Variants in RIMS2 observed in about 807,000 individuals in gnomAD.
RIMS2 encodes the protein regulating synaptic membrane exocytosis protein 2.
A neutral mutation model predicts 174.4 loss-of-function variants in RIMS2; 59 were observed. That is an observed-to-expected ratio of 0.34 (90% CI 0.27 to 0.42). The LOEUF (loss-of-function observed/expected upper bound fraction) is 0.42, where lower values mean the gene tolerates loss of function less well. Among genes scored for constraint, RIMS2 ranks in the 10% least tolerant of loss-of-function variants. RIMS2 has a pLI of 1.00. For synonymous variants in RIMS2, 606 were observed against 572.5 expected, an observed-to-expected ratio of 1.06 and a Z score of -0.84; for missense variants, 1,620 against 1,666.3, an observed-to-expected ratio of 0.97 and a Z score of 0.48.
intron 1 of RIMS2, among the ~76,000 whole-genome samples, chr8:103,532,854 G>A (rs113292903): frequency 2.6e-5 from 4 of 151,322 alleles, no homozygotes; most frequent in South Asian, 2.1e-4. Context: ...TAAAAGAAGA[G>A]AAACAAAAAA....
At chr8:104,071,184 T>A (rs942756961) in intron 19 of RIMS2, among the ~76,000 whole-genome samples, 3 of 152,204 alleles carry the variant, frequency 2.0e-5, no homozygotes, top group Admixed American at 1.3e-4. Flanking sequence ...CTAATTTTGA[T>A]TTTACTTCGA....
chr8:104,098,433 T>C (rs1322035728), intron 19 of RIMS2, among the ~76,000 whole-genome samples: 1 of 152,030 alleles, frequency 6.6e-6, no homozygotes, highest in Non-Finnish European at 1.5e-5. Context: ...CTTAAGTAAT[T>C]TGTAATGGAA....
intron 2 of RIMS2, among the ~76,000 whole-genome samples, chr8:103,713,535 A>AT (rs949491971): frequency 2.0e-5 from 3 of 152,004 alleles, no homozygotes; most frequent in Admixed American, 1.3e-4. Context: ...CTTTCCCCAA[A>AT]TTTTTTTGAT....
intron 2 of RIMS2, among the ~76,000 whole-genome samples, chr8:103,731,841 G>A (rs2097599916): frequency 4.6e-5 from 7 of 152,226 alleles, no homozygotes; most frequent in Admixed American, 3.9e-4. Flanking sequence ...ATAGGATTCT[G>A]AATTCCTTCT....
intron 14 of RIMS2, among the ~76,000 whole-genome samples, chr8:103,950,877 A>G (rs2085179396): frequency 6.6e-6 from 1 of 152,246 alleles, no homozygotes; most frequent in Admixed American, 6.5e-5. Flanking sequence ...GTCAAATGGG[A>G]TCTATACAAA....
At chr8:103,620,287 A>G (rs913912979) in intron 1 of RIMS2, among the ~76,000 whole-genome samples, 7 of 152,188 alleles carry the variant, frequency 4.6e-5, no homozygotes, top group Admixed American at 4.6e-4. Flanking sequence ...ATATTTGCTC[A>G]GGGAATACAA....
In RIMS2 at chr8:104,189,071, A is replaced by G. The variant is rs1285082368; in HGVS notation, c.3335-55845A>G. Among the ~76,000 whole-genome samples, 5 of 151,962 alleles carry G rather than the reference A, an allele frequency of 3.3e-5. 1 individual carries two copies. The highest frequency in any genetic ancestry group is 2.0e-4 in the Admixed American group (3 of 15,200). The stretch of plus-strand genomic sequence containing the variant: ...AATTGTGAATTTATTTGGTATTTCA[A>G]ATTATTTTGTGTATTTCAAAAGTAA... On this transcript the variant is annotated intron_variant, in intron 19 of 23. Transcript: ENST00000504942.
intron 17 of RIMS2, among the ~76,000 whole-genome samples, chr8:104,010,786 A>G (rs2095736805): frequency 6.6e-6 from 1 of 152,174 alleles, no homozygotes; most frequent in Non-Finnish European, 1.5e-5. Flanking sequence ...TGGCTTTTTC[A>G]GTGGCTTACC....
intron 19 of RIMS2, among the ~76,000 whole-genome samples, chr8:104,099,823 C>CT (rs200744209): frequency 0.23 from 34,100 of 146,196 alleles, 4,254 homozygotes; most frequent in East Asian, 0.58. Context: ...TCTTTACTTT[C>CT]TTTTTTTTTT....
At chr8:103,834,815 C>T (rs1338947131) in intron 3 of RIMS2, among the ~76,000 whole-genome samples, 1 of 151,280 alleles carries the variant, frequency 6.6e-6, no homozygotes, top group East Asian at 1.9e-4. Flanking sequence ...CACTGTATCA[C>T]TCAGACTGGA....
At chr8:103,990,291 A>G (rs1328487079) in intron 17 of RIMS2, among the ~76,000 whole-genome samples, 1 of 152,096 alleles carries the variant, frequency 6.6e-6, no homozygotes, top group Non-Finnish European at 1.5e-5. Context: ...TTAAGATTAT[A>G]CTTAATTCAT....
At chr8:103,756,979 CTGTGTGTGTGTGTGTG>C (rs71575983) in intron 2 of RIMS2, among the ~76,000 whole-genome samples, 6 of 134,960 alleles carry the variant, frequency 4.4e-5, no homozygotes, top group African/African-American at 1.6e-4. Flanking sequence ...GTGTGTGTGT[CTGTGTGTGTGTGTGTG>C]TGTGTGTGTG....
chr8:103,775,182 G>C (rs1460478104), intron 3 of RIMS2, among the ~76,000 whole-genome samples: 1 of 152,038 alleles, frequency 6.6e-6, no homozygotes, highest in Non-Finnish European at 1.5e-5. Flanking sequence ...TAGGTAGTCT[G>C]CTTTCATGAA....
intron 1 of RIMS2, among the ~76,000 whole-genome samples, chr8:103,540,039 T>C (rs1429361267): frequency 6.6e-6 from 1 of 152,252 alleles, no homozygotes; most frequent in African/African-American, 2.4e-5. Flanking sequence ...GGCTCTTGGC[T>C]GCTTCACAAG....
intron 19 of RIMS2, among the ~76,000 whole-genome samples, chr8:104,173,702 C>T (rs960480530): frequency 8.0e-6 from 1 of 124,448 alleles, no homozygotes; most frequent in South Asian, 2.8e-4. Context: ...GATCCTGGCT[C>T]ACTGCAAGCT....
chr8:103,608,156 G>A (rs1173899715), intron 1 of RIMS2, among the ~76,000 whole-genome samples: 1 of 146,660 alleles, frequency 6.8e-6, no homozygotes, highest in African/African-American at 2.6e-5. Context: ...TTTGATGATG[G>A]TGATGTACAG....
intron 1 of RIMS2, among the ~76,000 whole-genome samples, chr8:103,687,095 A>AGAG (rs1368866575): frequency 6.6e-6 from 1 of 152,142 alleles, no homozygotes; most frequent in African/African-American, 2.4e-5. Flanking sequence ...TAGATTTGAA[A>AGAG]GGTTCTTAAA....
chr8:103,698,896 T>A (rs1335765000), intron 2 of RIMS2, among the ~76,000 whole-genome samples: 2 of 152,226 alleles, frequency 1.3e-5, no homozygotes, highest in Non-Finnish European at 2.9e-5. Flanking sequence ...ATAAAATGTG[T>A]TGGGAAGTAT....
At chr8:103,837,652 G>A (rs1160743024) in intron 3 of RIMS2, among the ~76,000 whole-genome samples, 12 of 150,016 alleles carry the variant, frequency 8.0e-5, no homozygotes, top group Admixed American at 2.0e-4. Flanking sequence ...GAGAATGATG[G>A]TTTCCAGCTT....
Sources: gnomAD v4.1 joint callset for allele counts (sites outside exome capture counted in the v4.1 genomes callset) on GRCh38, gnomAD v4.1.1 for gene constraint, MANE v1.5 for transcripts, NCBI Gene and HGNC (gene_info 2026-07-23, HGNC 2026-07-21) for gene names.